The following PRRT1B variants were observed in gnomAD, a reference collection of about 807,000 sequenced individuals.
PRRT1B encodes proline rich transmembrane protein 1B, also known as dispanin subfamily D member 2.
At chr9:131,557,756 C>T (rs28583011) in intron 3 of PRRT1B, among the ~76,000 whole-genome samples, 7,818 of 152,310 alleles carry the variant, frequency 0.051, 565 homozygotes, top group African/African-American at 0.16. Context: ...CTTAACTTCT[C>T]TGAGCCTTTG....
Position 131,548,819 on chromosome 9 carries a change from C to A in PRRT1B, c.25+3179C>A, listed in dbSNP as rs573348252. On this transcript the variant is annotated intron_variant, in intron 1 of 3. Coordinates refer to ENST00000636672, the Ensembl canonical transcript of PRRT1B. Reference sequence around the variant, plus strand: ...CTTTTATCACCTTCCCTCCTCACACCCGGTCTGGCTTACAGTTTAATTCTG... The same window carrying A: ...CTTTTATCACCTTCCCTCCTCACACACGGTCTGGCTTACAGTTTAATTCTG... Among the ~76,000 whole-genome samples, 8 of 152,296 alleles carry A rather than the reference C, an allele frequency of 5.3e-5. No individual in the cohort carries two copies. The South Asian group carries it at 1.7e-3, about 32-fold the overall frequency.
intron 1 of PRRT1B, among the ~76,000 whole-genome samples, chr9:131,548,575 G>C (rs1337504810): frequency 6.6e-6 from 1 of 152,112 alleles, no homozygotes; most frequent in East Asian, 1.9e-4. Flanking sequence ...TTTACACATC[G>C]GTCCCTCCCT....
intron 2 of PRRT1B, 112 bp from the exon 3 acceptor site, chr9:131,555,958 G>C (rs1951046476): frequency 2.5e-6 from 1 of 397,618 alleles, no homozygotes; most frequent in Non-Finnish European, 4.4e-6. Flanking sequence ...TCAGTGGGTG[G>C]GGACTTGGGG....
At chr9:131,546,554 C>T (rs1387747237) in intron 1 of PRRT1B, among the ~76,000 whole-genome samples, 1 of 151,918 alleles carries the variant, frequency 6.6e-6, no homozygotes, top group African/African-American at 2.4e-5. Context: ...TCTTGAGAGC[C>T]CGGGGATGGG....
rs538079150 is a variant in PRRT1B at position 131,546,077 on chromosome 9, G to C, written c.25+437G>C. Among the ~76,000 whole-genome samples the C allele has an allele frequency of 1.7e-3, 256 of 152,286 alleles. 1 individual carries two copies. Among genetic ancestry groups the C allele is most frequent in the African/African-American group, 5.8e-3 (241 of 41,564 alleles). ...GCGCCCCTGCGGGCAAGCCAGGGAG[G>C]GGGCAGCGGCGGTTCATTCTCTGAG... On this transcript the variant is annotated intron_variant, in intron 1 of 3. Coordinates refer to ENST00000636672, the Ensembl canonical transcript of PRRT1B.
exon 4 of PRRT1B, chr9:131,558,139 C>A: frequency 2.5e-6 from 1 of 401,044 alleles, no homozygotes; most frequent in Non-Finnish European, 4.4e-6. Flanking sequence ...TCAGCCTGCT[C>A]TTCGGGGTCT....
At chr9:131,545,776 G>A in intron 1 of PRRT1B, 136 bp downstream of exon 1, 1 of 401,870 alleles carries the variant, frequency 2.5e-6, no homozygotes, top group East Asian at 3.6e-5. Flanking sequence ...GGCGGAGCGG[G>A]TGCTGGAGGG....
At position 131,554,540 on chromosome 9, in the gene PRRT1B, C is replaced by G. The variant is rs1951033447; in HGVS notation, c.26-17C>G. ...CCCGGCGGCCTCTTGCTCACGACCG[C>G]TGCCATTTCTTTCTAGGGTCCGACA... is the stretch of plus-strand genomic sequence containing the variant. On this transcript the variant is annotated splice_polypyrimidine_tract_variant and intron_variant, in intron 1 of 3. Transcript: ENST00000636672. The G allele has an allele frequency of 2.5e-6, 1 of 394,036 alleles. No individual in the cohort carries two copies. Among genetic ancestry groups the G allele is most frequent in the East Asian group, 3.6e-5 (1 of 27,844 alleles). The allele number at this position is 394,036 out of a possible 1,614,324, so 24.4% of individuals were successfully genotyped here.
intron 1 of PRRT1B, among the ~76,000 whole-genome samples, chr9:131,550,381 G>C (rs904983586): frequency 1.2e-4 from 18 of 152,134 alleles, no homozygotes; most frequent in African/African-American, 4.3e-4. Context: ...CTTTCACTTG[G>C]ACTGACCCTG....
At chr9:131,552,692 A>ATTT (rs777024533) in intron 1 of PRRT1B, among the ~76,000 whole-genome samples, 3,296 of 142,230 alleles carry the variant, frequency 0.023, 63 homozygotes, top group Admixed American at 0.033. Context: ...TTTTTTTTTG[A>ATTT]GACGGAGTCT....
At chr9:131,555,096 C>T in intron 2 of PRRT1B, 67 bp downstream of exon 2, 1 of 144,856 alleles carries the variant, frequency 6.9e-6, no homozygotes, top group Non-Finnish European at 1.1e-5. Flanking sequence ...GGCGCCCGTG[C>T]GGAGGCCGAT....
exon 1 of PRRT1B, chr9:131,545,621 G>A (rs970847051): frequency 1.5e-5 from 6 of 388,856 alleles, no homozygotes; most frequent in African/African-American, 1.3e-4. Flanking sequence ...GGACCATGGA[G>A]GCAGGAGCTG....
Position 131,549,379 on chromosome 9 carries a change from C to A in PRRT1B, c.25+3739C>A, listed in dbSNP as rs575553284. ...GCTACGAGTGTTGGAAATCTGGCCACTGGGCCGAGGAATGCCCCCAGCCCG... is the reference window on the plus strand; with the variant it reads ...GCTACGAGTGTTGGAAATCTGGCCAATGGGCCGAGGAATGCCCCCAGCCCG... On this transcript the variant is annotated intron_variant, in intron 1 of 3. Transcript: ENST00000636672. 1.4e-4 allele frequency among the ~76,000 whole-genome samples: 21 copies of A among 152,266 alleles called. 1 individual carries two copies. In the South Asian group the frequency reaches 4.3e-3, roughly 32 times the overall value.
chr9:131,551,050 C>G lies in PRRT1B; in HGVS notation c.26-3507C>G, dbSNP rs1414940578. Among the ~76,000 whole-genome samples, 1 of 139,992 alleles carries G rather than the reference C, an allele frequency of 7.1e-6. No individual in the cohort carries two copies. The highest frequency in any genetic ancestry group is 1.5e-5 in the Non-Finnish European group (1 of 66,376). 91.8% of individuals were successfully genotyped at this position (139,992 alleles called of 152,430 possible). A position where few individuals can be genotyped will look rare whatever the true frequency, so the allele number is the denominator to read the frequency against. ...CTCTGCCTCCCGGGTTCACGCCATT[C>G]TTCTGCCTCAGCCTCCCGAGTAGCT... On this transcript the variant is annotated intron_variant, in intron 1 of 3. Coordinates refer to ENST00000636672, the Ensembl canonical transcript of PRRT1B. This position sits in a 1 kb window ranked among gnomAD's most constrained non-coding sequence, Gnocchi z 4.4.
Position 131,557,971 on chromosome 9 carries a change from G to C in PRRT1B, c.643-82G>C, listed in dbSNP as rs1951061048. The C allele has an allele frequency of 8.5e-5, 34 of 398,178 alleles. No individual in the cohort carries two copies. In the East Asian group the frequency reaches 1.2e-3, roughly 14 times the overall value. 24.7% of individuals were successfully genotyped at this position (398,178 alleles called of 1,614,324 possible). Reference sequence around the variant, plus strand: ...GTCAGTTTCTCAGTTTGTGGAACTGGGCCTAGCCCTCAATCGCACTGGGAG... The same window carrying C: ...GTCAGTTTCTCAGTTTGTGGAACTGCGCCTAGCCCTCAATCGCACTGGGAG... On this transcript the variant is annotated intron_variant, in intron 3 of 3. Coordinates refer to ENST00000636672, the Ensembl canonical transcript of PRRT1B.
chr9:131,556,652 A>G (rs1382230523), intron 3 of PRRT1B, among the ~76,000 whole-genome samples: 2 of 151,142 alleles, frequency 1.3e-5, no homozygotes, highest in Non-Finnish European at 3.0e-5. Context: ...TTTTTTTTTG[A>G]TACAGAGTCT....
chr9:131,553,527 G>T (rs182737174), intron 1 of PRRT1B, among the ~76,000 whole-genome samples: 2 of 152,298 alleles, frequency 1.3e-5, no homozygotes, highest in Admixed American at 6.5e-5. Flanking sequence ...GGCAGGACAC[G>T]CCCAGGGGCT....
chr9:131,551,670 C>G lies in PRRT1B; in HGVS notation c.26-2887C>G, dbSNP rs567886292. Among the ~76,000 whole-genome samples, 1 of 152,270 alleles carries G rather than the reference C, an allele frequency of 6.6e-6. No individual in the cohort carries two copies. The highest frequency in any genetic ancestry group is 1.9e-4 in the East Asian group (1 of 5,182). ...GGCCTGTTCCTGCCTTAACTGATGACATTACCTTGTGAAATTCCTTCTCCT... is the reference window on the plus strand; with the variant it reads ...GGCCTGTTCCTGCCTTAACTGATGAGATTACCTTGTGAAATTCCTTCTCCT... On this transcript the variant is annotated intron_variant, in intron 1 of 3. Transcript: ENST00000636672. This position sits in a 1 kb window ranked among gnomAD's most constrained non-coding sequence, Gnocchi z 4.4.
chr9:131,552,839 ATTTTTT>A (rs61662684), intron 1 of PRRT1B, among the ~76,000 whole-genome samples: 186 of 133,826 alleles, frequency 1.4e-3, no homozygotes, highest in Non-Finnish European at 1.8e-3. Context: ...CACCTGGTTA[ATTTTTT>A]TTTTTTTTTT....
Sources: allele counts gnomAD v4.1 joint callset (sites outside exome capture counted in the v4.1 genomes callset), GRCh38; gene constraint gnomAD v4.1.1; non-coding constraint Gnocchi (gnomAD v3.1); transcripts MANE v1.5; gene names NCBI Gene and HGNC (gene_info 2026-07-23, HGNC 2026-07-21).